Variants in DCC observed in about 807,000 individuals in gnomAD.
DCC encodes the protein netrin receptor DCC.
In DCC, 58 loss-of-function variants were observed where a neutral mutation model predicts 172.5. The observed-to-expected ratio is 0.34, with a 90% confidence interval of 0.27 to 0.42. DCC has a LOEUF of 0.42. Ranked by LOEUF, DCC falls within the 10% of genes least tolerant of loss-of-function variation. The probability of loss-of-function intolerance (pLI) is 1.00; values close to 1 mark genes in which losing one functional copy is unlikely to be tolerated. For missense variants in DCC, 1,740 were observed against 1,791.0 expected, an observed-to-expected ratio of 0.97 and a Z score of 0.51; for synonymous variants, 709 against 644.5, an observed-to-expected ratio of 1.10 and a Z score of -1.52.
intron 15 of DCC, among the ~76,000 whole-genome samples, chr18:53,358,530 C>CTCTTTTT (rs74180418): frequency 3.1e-5 from 3 of 95,920 alleles, no homozygotes; most frequent in African/African-American, 1.3e-4. Flanking sequence ...TTCTCTCTCT[C>CTCTTTTT]TTTTTTTTTT....
chr18:52,384,226 T>C (rs1441932003), intron 1 of DCC, among the ~76,000 whole-genome samples: 1 of 152,100 alleles, frequency 6.6e-6, no homozygotes, highest in Non-Finnish European at 1.5e-5. Context: ...ATGATTAATG[T>C]CACATAACCC....
At chr18:52,681,743 T>G (rs1263905752) in intron 1 of DCC, among the ~76,000 whole-genome samples, 1 of 152,114 alleles carries the variant, frequency 6.6e-6, no homozygotes, top group Non-Finnish European at 1.5e-5. Context: ...GAATCAAGTC[T>G]TCTTTTCAGT....
At chr18:53,068,483 T>G (rs1011079531) in intron 7 of DCC, among the ~76,000 whole-genome samples, 3 of 143,404 alleles carry the variant, frequency 2.1e-5, no homozygotes, top group African/African-American at 7.8e-5. Context: ...TGATATTGGC[T>G]GCTACGCCAG....
intron 1 of DCC, among the ~76,000 whole-genome samples, chr18:52,650,534 G>A (rs1384787425): frequency 6.6e-6 from 1 of 151,560 alleles, no homozygotes; most frequent in Non-Finnish European, 1.5e-5. Flanking sequence ...TGTTTTTTTT[G>A]TCTGTTTGTT....
intron 1 of DCC, among the ~76,000 whole-genome samples, chr18:52,563,856 C>G (rs2033095673): frequency 6.6e-6 from 1 of 152,096 alleles, no homozygotes. Context: ...GTCATTTGGC[C>G]AAAGCCAGGA....
intron 12 of DCC, among the ~76,000 whole-genome samples, chr18:53,291,104 G>A (rs1177691248): frequency 2.0e-5 from 3 of 151,940 alleles, no homozygotes; most frequent in Admixed American, 1.3e-4. Context: ...GGAGGCGGAC[G>A]TTGCAGTGAG....
chr18:53,322,003 G>T (rs767745062), intron 13 of DCC, 44 bp from the exon 14 acceptor site: 180 of 1,029,388 alleles, frequency 1.7e-4, no homozygotes, highest in Non-Finnish European at 2.0e-5. Flanking sequence ...GGAATACTTG[G>T]TGCATAGTAA....
At chr18:52,873,210 T>C (rs1274398190) in intron 2 of DCC, among the ~76,000 whole-genome samples, 1 of 12,848 alleles carries the variant, frequency 7.8e-5, no homozygotes, top group African/African-American at 3.3e-4. Flanking sequence ...CAAATTTCCC[T>C]CCAAGTCTTT....
chr18:53,443,809 C>T (rs1284069115), intron 22 of DCC, among the ~76,000 whole-genome samples: 1 of 152,178 alleles, frequency 6.6e-6, no homozygotes, highest in Non-Finnish European at 1.5e-5. Context: ...CCAATCCTTA[C>T]AGATGATTTT....
chr18:52,589,131 A>G (rs1161643195), intron 1 of DCC, among the ~76,000 whole-genome samples: 1 of 152,202 alleles, frequency 6.6e-6, no homozygotes, highest in Non-Finnish European at 1.5e-5. Context: ...CTGATGAATC[A>G]TATGTGGTCT....
At chr18:52,777,770 G>GGGGAAAAA (rs369140038) in intron 2 of DCC, among the ~76,000 whole-genome samples, 9 of 138,796 alleles carry the variant, frequency 6.5e-5, no homozygotes, top group South Asian at 2.9e-4. Flanking sequence ...GATCTCCAGG[G>GGGGAAAAA]AAAAAAAAAG....
chr18:53,468,672 T>C (rs2045657366), intron 25 of DCC, among the ~76,000 whole-genome samples: 1 of 152,150 alleles, frequency 6.6e-6, no homozygotes, highest in African/African-American at 2.4e-5. Flanking sequence ...CATAAGCTAC[T>C]GCACCCATCC....
intron 1 of DCC, among the ~76,000 whole-genome samples, chr18:52,722,028 A>T (rs1406120775): frequency 6.6e-6 from 1 of 152,220 alleles, no homozygotes; most frequent in Admixed American, 6.5e-5. Flanking sequence ...TGCCTCAAAA[A>T]AATTTATAAA....
At chr18:53,001,344 C>T (rs544171754) in intron 5 of DCC, among the ~76,000 whole-genome samples, 1 of 152,098 alleles carries the variant, frequency 6.6e-6, no homozygotes, top group African/African-American at 2.4e-5. Flanking sequence ...AGTTGTCAGT[C>T]CTCCAATTAC....
chr18:52,644,844 G>C (rs1356988681), intron 1 of DCC, among the ~76,000 whole-genome samples: 2 of 150,106 alleles, frequency 1.3e-5, no homozygotes, highest in African/African-American at 5.0e-5. Flanking sequence ...AGGGAAGGAG[G>C]GAGGGAAGGA....
intron 7 of DCC, among the ~76,000 whole-genome samples, chr18:53,110,200 T>A (rs1598811581): frequency 6.6e-6 from 1 of 151,694 alleles, no homozygotes; most frequent in Admixed American, 6.6e-5. Flanking sequence ...TAAAGTGAGA[T>A]GACTTGTTGC....
At chr18:52,995,827 C>T (rs1475201366) in intron 5 of DCC, among the ~76,000 whole-genome samples, 2 of 151,912 alleles carry the variant, frequency 1.3e-5, no homozygotes, top group Non-Finnish European at 2.9e-5. Context: ...ATGGCCTAGT[C>T]ACCTGGACTG....
In DCC at chr18:52,942,512, A is replaced by G. The variant is rs111766623; in HGVS notation, c.985+17142A>G. Among the ~76,000 whole-genome samples the G allele has an allele frequency of 9.9e-3, 1,508 of 152,320 alleles. 25 individuals are homozygous for G. The highest frequency in any genetic ancestry group is 0.035 in the African/African-American group (1,454 of 41,572). Reference sequence around the variant, plus strand: ...AAAGACATAATCGGGGCTGGAAAGAAAAAGAGGTTTAATTGGACTTACAGT... The same window carrying G: ...AAAGACATAATCGGGGCTGGAAAGAGAAAGAGGTTTAATTGGACTTACAGT... On this transcript the variant is annotated intron_variant, in intron 5 of 28. Transcript: ENST00000442544.
At chr18:52,796,584 G>T (rs2037881761) in intron 2 of DCC, among the ~76,000 whole-genome samples, 1 of 152,078 alleles carries the variant, frequency 6.6e-6, no homozygotes, top group Admixed American at 6.5e-5. Flanking sequence ...TACCTTTGCT[G>T]GGTCTAGTAT....
Sources: gnomAD v4.1 joint callset for allele counts (sites outside exome capture counted in the v4.1 genomes callset) on GRCh38, gnomAD v4.1.1 for gene constraint, MANE v1.5 for transcripts, NCBI Gene and HGNC (gene_info 2026-07-23, HGNC 2026-07-21) for gene names.